The following DYM variants were observed in gnomAD, a reference collection of about 807,000 sequenced individuals.
DYM encodes the protein dyggve-Melchior-Clausen syndrome protein.
In DYM, 78 loss-of-function variants were observed where a neutral mutation model predicts 93.1. The ratio of observed to expected loss-of-function variants is 0.84; its 90% CI spans 0.70 to 1.01. The LOEUF (loss-of-function observed/expected upper bound fraction) is 1.01. DYM is among the 50% of genes least tolerant of loss of function. DYM has a pLI of 0.00. For missense variants in DYM, 789 were observed against 845.0 expected (o/e 0.93, Z 0.82); for synonymous variants, 321 against 319.7 (o/e 1.00, Z -0.04).
chr18:49,191,786 G>A (rs1415856938), intron 14 of DYM, among the ~76,000 whole-genome samples: 3 of 152,090 alleles, frequency 2.0e-5, no homozygotes, highest in Admixed American at 6.6e-5. Flanking sequence ...ATGGCTCTAC[G>A]ATGAGTCAAA....
intron 15 of DYM, among the ~76,000 whole-genome samples, chr18:49,156,424 C>T (rs1236665208): frequency 6.6e-6 from 1 of 151,520 alleles, no homozygotes; most frequent in African/African-American, 2.4e-5. Context: ...CACGCCCCCC[C>T]CTCAAAAAAA....
chr18:49,154,456 G>A (rs1394913035), intron 15 of DYM, among the ~76,000 whole-genome samples: 1 of 151,892 alleles, frequency 6.6e-6, no homozygotes, highest in Non-Finnish European at 1.5e-5. Context: ...GTGCAATGGC[G>A]CAATCTCAGC....
chr18:49,235,626 G>A (rs111925519), intron 13 of DYM, among the ~76,000 whole-genome samples: 3,936 of 152,082 alleles, frequency 0.026, 160 homozygotes, highest in African/African-American at 0.088. Flanking sequence ...ACATTACACT[G>A]CTACCAGTCA....
chr18:49,391,833 T>C (rs2069293623), intron 2 of DYM, among the ~76,000 whole-genome samples, 188 bp from the exon 3 acceptor site: 1 of 152,062 alleles, frequency 6.6e-6, no homozygotes, highest in East Asian at 1.9e-4. Flanking sequence ...GGAAATTTAC[T>C]GTATTTCTAA....
At chr18:49,119,816 G>A (rs917184398) in intron 15 of DYM, among the ~76,000 whole-genome samples, 16 of 152,018 alleles carry the variant, frequency 1.1e-4, no homozygotes, top group Admixed American at 5.9e-4. Context: ...GGCTGGCTGT[G>A]GTGGCTCATG....
chr18:49,224,963 G>C (rs1431627363), intron 13 of DYM, among the ~76,000 whole-genome samples: 1 of 152,034 alleles, frequency 6.6e-6, no homozygotes, highest in East Asian at 1.9e-4. Flanking sequence ...ATGAAGGAGT[G>C]GTTACCAGTG....
intron 13 of DYM, among the ~76,000 whole-genome samples, chr18:49,240,909 C>A (rs1291331260): frequency 6.6e-6 from 1 of 152,152 alleles, no homozygotes; most frequent in Non-Finnish European, 1.5e-5. Flanking sequence ...ACTATTTCGC[C>A]AAGGACATTT....
At chr18:49,459,843 G>C (rs76600910) in intron 1 of DYM, among the ~76,000 whole-genome samples, 1 of 151,518 alleles carries the variant, frequency 6.6e-6, no homozygotes, top group Non-Finnish European at 1.5e-5. Flanking sequence ...GCAAATCCAC[G>C]GCGACTGAAA....
intron 14 of DYM, among the ~76,000 whole-genome samples, chr18:49,190,758 C>A (rs1479708271): frequency 6.6e-6 from 1 of 152,134 alleles, no homozygotes; most frequent in African/African-American, 2.4e-5. Flanking sequence ...ACGTCTGCCA[C>A]CCCTGAGACA....
chr18:49,259,544 C>T (rs1256489543), intron 11 of DYM, among the ~76,000 whole-genome samples: 5 of 151,928 alleles, frequency 3.3e-5, no homozygotes, highest in African/African-American at 9.7e-5. Context: ...ATGCAGTAGA[C>T]GTTGGAATCT....
intron 15 of DYM, among the ~76,000 whole-genome samples, chr18:49,146,676 C>G (rs941032435): frequency 2.0e-5 from 3 of 152,172 alleles, no homozygotes; most frequent in African/African-American, 7.2e-5. Context: ...CTGCAAACCA[C>G]TGCTCAATGA....
At chr18:49,291,643 G>A (rs2060123841) in intron 8 of DYM, among the ~76,000 whole-genome samples, 1 of 152,134 alleles carries the variant, frequency 6.6e-6, no homozygotes, top group Admixed American at 6.5e-5. Flanking sequence ...TTTAATACAG[G>A]AAGGATTTTA....
chr18:49,292,351 G>GACACACACACAC (rs1293664967), intron 8 of DYM, among the ~76,000 whole-genome samples: 7 of 106,714 alleles, frequency 6.6e-5, no homozygotes, highest in East Asian at 8.0e-4. Context: ...CAGACAGACA[G>GACACACACACAC]ACAGACACAC....
At position 49,071,362 on chromosome 18, in the gene DYM, C is replaced by A. The variant is rs577122796; in HGVS notation, c.2025+26040G>T. Among the ~76,000 whole-genome samples, 208 of 152,288 alleles carry A rather than the reference C, an allele frequency of 1.4e-3. 1 individual carries two copies. The highest frequency in any genetic ancestry group is 4.5e-3 in the African/African-American group (188 of 41,540). ...AACTGAATGGAGAAAAATAAGATAA[C>A]CCCTGACAAAAAGTAACCACTTAAC... On this transcript the variant is annotated intron_variant, in intron 17 of 17. Coordinates refer to ENST00000675505, the MANE Select transcript of DYM (RefSeq NM_001353214.3).
At chr18:49,369,861 G>A (rs1281962320) in intron 5 of DYM, among the ~76,000 whole-genome samples, 1 of 152,162 alleles carries the variant, frequency 6.6e-6, no homozygotes, top group Non-Finnish European at 1.5e-5. Context: ...TGTACTCACA[G>A]GTCATACAGT....
intron 8 of DYM, among the ~76,000 whole-genome samples, chr18:49,309,914 A>G (rs2061490115): frequency 6.6e-6 from 1 of 152,208 alleles, no homozygotes; most frequent in Non-Finnish European, 1.5e-5. Context: ...CCCTATCCAG[A>G]CGGCATGGAC....
At chr18:49,207,048 T>C (rs888600759) in intron 14 of DYM, among the ~76,000 whole-genome samples, 15 of 152,228 alleles carry the variant, frequency 9.9e-5, no homozygotes, top group African/African-American at 3.6e-4. Flanking sequence ...TTTTAAACTT[T>C]TGTTTTTCCC....
In DYM at chr18:49,258,427, T is replaced by C; in HGVS notation, c.1318A>G (p.Ile440Val). The change falls in exon 12 of 18, where the codon ATC (isoleucine) becomes GTC (valine). Residue 440 changes from isoleucine to valine, a missense_variant. Physicochemically the swap from Ile to Val is conservative, Grantham distance 29. Transcript: ENST00000675505. Reference protein sequence around the residue: ...LTEISLGSLLILVVIRTIQYN... With the variant: ...LTEISLGSLLVLVVIRTIQYN... Reference sequence around the variant, plus strand: ...TGAATGGTTCTTATTACCACCAGGATCAGGAGACTCCCCAAGGAGATTTCA... The same window carrying C: ...TGAATGGTTCTTATTACCACCAGGACCAGGAGACTCCCCAAGGAGATTTCA... The C allele has an allele frequency of 1.9e-6, 3 of 1,613,544 alleles. No homozygotes were observed. Among genetic ancestry groups the C allele is most frequent in the South Asian group, 2.2e-5 (2 of 91,076 alleles).
chr18:49,289,974 G>A (rs2060005558), intron 8 of DYM, among the ~76,000 whole-genome samples: 1 of 151,348 alleles, frequency 6.6e-6, no homozygotes, highest in Admixed American at 6.6e-5. Context: ...GAAATTATCA[G>A]TAGTAAGAGA....
Sources: gnomAD v4.1 joint callset for allele counts (sites outside exome capture counted in the v4.1 genomes callset) on GRCh38, gnomAD v4.1.1 for gene constraint, MANE v1.5 for transcripts, NCBI Gene and HGNC (gene_info 2026-07-23, HGNC 2026-07-21) for gene names.